Variants in UBE4A observed in about 807,000 individuals in gnomAD.
The protein encoded by UBE4A is ubiquitin conjugation factor E4 A.
Under a neutral mutation model 117.9 loss-of-function variants are expected in UBE4A, and 48 were observed. That is an observed-to-expected ratio of 0.41 (90% CI 0.32 to 0.52). The LOEUF (loss-of-function observed/expected upper bound fraction) is 0.52. Ranked by LOEUF, UBE4A falls within the 20% of genes least tolerant of loss-of-function variation. UBE4A has a pLI of 0.33. For missense variants in UBE4A, 1,067 were observed against 1,296.3 expected (o/e 0.82, Z 2.72); for synonymous variants, 407 against 450.0 (o/e 0.90, Z 1.21).
Position 118,368,623 on chromosome 11 carries a change from T to C in UBE4A, c.122-8T>C. The C allele has an allele frequency of 1.2e-6, 2 of 1,614,068 alleles. No homozygotes were observed. Among genetic ancestry groups the C allele is most frequent in the South Asian group, 2.2e-5 (2 of 91,076 alleles). On this transcript the variant is annotated splice_region_variant and splice_polypyrimidine_tract_variant and intron_variant, in intron 2 of 19. Coordinates refer to ENST00000252108, the MANE Select transcript of UBE4A (RefSeq NM_001204077.2). ...GTGTAACATTTAACAGTATACATTTTCTGGCAGATGAACTCCCAGCTAGCC... is the reference window on the plus strand; with the variant it reads ...GTGTAACATTTAACAGTATACATTTCCTGGCAGATGAACTCCCAGCTAGCC...
Position 118,396,547 on chromosome 11 carries a change from C to CTTTTTTT in UBE4A, c.*119_*125dup, listed in dbSNP as rs5795126. On this transcript the variant is annotated 3_prime_UTR_variant, in exon 20 of 20. Transcript: ENST00000252108. Reference sequence around the variant, plus strand: ...TCCTTTTCTTTCTTCTTTTCTTTTTCTTTTTTTTTTTTTTTTTTACTAAAT... The same window carrying CTTTTTTT: ...TCCTTTTCTTTCTTCTTTTCTTTTTCTTTTTTTTTTTTTTTTTTTTTTTTTACTAAAT... 8.8e-5 allele frequency: 72 copies of CTTTTTTT among 817,736 alleles called. No homozygotes were observed. The highest frequency in any genetic ancestry group is 4.6e-4 in the East Asian group (9 of 19,690). The allele number at this position is 817,736 out of a possible 1,614,324, so 50.7% of individuals were successfully genotyped here.
chr11:118,364,652 A>G lies in UBE4A; in HGVS notation c.-41-388A>G, dbSNP rs1001349476. Among the ~76,000 whole-genome samples the G allele has an allele frequency of 4.6e-5, 7 of 152,240 alleles. No individual in the cohort carries two copies. In the Middle Eastern group the frequency reaches 0.01, roughly 222 times the overall value. ...TGCCAGCTTAATTCTTGGGAAATCC[A>G]TAATTCTTGTCTTATTATTTTTCAG... is the stretch of plus-strand genomic sequence containing the variant. On this transcript the variant is annotated intron_variant, in intron 1 of 19. Transcript: ENST00000252108.
At chr11:118,360,580 A>T (rs1948512555) in intron 1 of UBE4A, among the ~76,000 whole-genome samples, 1 of 152,196 alleles carries the variant, frequency 6.6e-6, no homozygotes, top group Admixed American at 6.5e-5. Context: ...CACAGACCTT[A>T]TGGGAGTATG....
intron 13 of UBE4A, among the ~76,000 whole-genome samples, chr11:118,384,043 C>T (rs1948732073): frequency 6.6e-6 from 1 of 152,136 alleles, no homozygotes; most frequent in African/African-American, 2.4e-5. Flanking sequence ...GATTAAGAGA[C>T]TTAGATTAAG....
Position 118,383,918 on chromosome 11 carries a change from C to A in UBE4A, c.2198-717C>A, listed in dbSNP as rs543697463. Among the ~76,000 whole-genome samples, 3 of 152,124 alleles carry A rather than the reference C, an allele frequency of 2.0e-5. No individual in the cohort carries two copies. In the South Asian group the frequency reaches 6.2e-4, roughly 32 times the overall value. ...ATAATGCATGTAAATCTTTATAATA[C>A]ATAAGAAATTGTATAATAAATCATT... is the stretch of plus-strand genomic sequence containing the variant. On this transcript the variant is annotated intron_variant, in intron 13 of 19. Coordinates refer to ENST00000252108, the MANE Select transcript of UBE4A (RefSeq NM_001204077.2).
chr11:118,390,611 G>A, intron 17 of UBE4A, 46 bp from the exon 18 acceptor site: 1 of 1,431,722 alleles, frequency 7.0e-7, no homozygotes, highest in Non-Finnish European at 9.2e-7. Context: ...CTCTTCCATT[G>A]ACCAACCCTC....
At chr11:118,377,716 C>G (rs886566335) in intron 10 of UBE4A, among the ~76,000 whole-genome samples, 1 of 148,550 alleles carries the variant, frequency 6.7e-6, no homozygotes, top group Non-Finnish European at 1.5e-5. Context: ...AGTTTGAGAC[C>G]AGCCTGGGCA....
chr11:118,396,276 T>G, intron 19 of UBE4A, 38 bp from the exon 20 acceptor site: 1 of 1,589,386 alleles, frequency 6.3e-7, no homozygotes, highest in Non-Finnish European at 8.5e-7. Context: ...TTAGAACTTA[T>G]GGAAATAACC....
intron 15 of UBE4A, among the ~76,000 whole-genome samples, chr11:118,386,165 C>T (rs1555127184): frequency 6.6e-6 from 1 of 152,010 alleles, no homozygotes; most frequent in Non-Finnish European, 1.5e-5. Flanking sequence ...ACTATTCATC[C>T]TTCTTTGCAT....
chr11:118,390,861 G>C, intron 18 of UBE4A, 57 bp downstream of exon 18: 3 of 1,587,322 alleles, frequency 1.9e-6, no homozygotes, highest in Non-Finnish European at 2.6e-6. Context: ...TGTCAGCCAG[G>C]CATGATGGCT....
Position 118,395,179 on chromosome 11 carries a change from A to G in UBE4A, c.3075-1135A>G, listed in dbSNP as rs192650634. On this transcript the variant is annotated intron_variant, in intron 19 of 19. Coordinates refer to ENST00000252108, the MANE Select transcript of UBE4A (RefSeq NM_001204077.2). The stretch of plus-strand genomic sequence containing the variant: ...CCCCATCTCTACTAAAAATACAAAA[A>G]TTAGCTGGGCATGATAGCACGTGCC... 5.8e-3 allele frequency among the ~76,000 whole-genome samples: 878 copies of G among 151,950 alleles called. 11 individuals carry two copies. The highest frequency in any genetic ancestry group is 5.0e-3 in the Non-Finnish European group (337 of 67,930).
Position 118,396,435 on chromosome 11 carries a change from G to T in UBE4A, c.3196G>T (p.Glu1066Ter). 1 of 1,612,838 alleles carries T rather than the reference G, an allele frequency of 6.2e-7. No individual in the cohort carries two copies. The highest frequency in any genetic ancestry group is 1.1e-5 in the South Asian group (1 of 90,984). Residue 1066 changes from glutamate (E) to a stop codon, truncating the protein, a stop_gained, in exon 20 of 20, where the codon GAA (glutamate) becomes TAA (stop). Transcript: ENST00000252108. LOFTEE classifies it high-confidence loss of function. The part of the protein sequence containing the change: ...AERKQQKEQL[E>*] ...GAGGAAACAACAAAAGGAGCAACTT[G>T]AATAGATACTGTGAACTAACCAAAC...
At chr11:118,385,716 G>A (rs561837008) in intron 15 of UBE4A, among the ~76,000 whole-genome samples, 1 of 152,336 alleles carries the variant, frequency 6.6e-6, no homozygotes, top group African/African-American at 2.4e-5. Context: ...CCTTTAGACA[G>A]TCATGAGCTC....
At chr11:118,379,794 G>T (rs1555126000) in intron 11 of UBE4A, 44 bp downstream of exon 11, 1 of 1,556,896 alleles carries the variant, frequency 6.4e-7, no homozygotes, top group African/African-American at 1.4e-5. Flanking sequence ...ATAGCCTTCT[G>T]AGTTTAAGTG....
rs1948610051 is a variant in UBE4A, at chr11:118,371,528, C to T, written c.423C>T (p.Arg141=). The change falls in exon 5 of 20, where the codon CGC becomes CGT. Residue 141 remains arginine, a synonymous_variant. Coordinates refer to ENST00000252108, the MANE Select transcript of UBE4A (RefSeq NM_001204077.2). ...TTTCTTTATAGGCCCTCTTCGCTCG[C>T]TTATTACTTCAAGATCCAGGCAACC... ...MSNVEQALFA[R]LLLQDPGNHL... is the part of the protein sequence containing the mutation. 6.2e-7 allele frequency: 1 copy of T among 1,612,332 alleles called. No homozygotes were observed. Among genetic ancestry groups the T allele is most frequent in the African/African-American group, 1.3e-5 (1 of 74,958 alleles).
rs1948741087 is a variant in UBE4A at position 118,384,881 on chromosome 11, T to C, written c.2348T>C (p.Leu783Pro). 6.2e-7 allele frequency: 1 copy of C among 1,613,264 alleles called. No individual in the cohort carries two copies. The highest frequency in any genetic ancestry group is 8.5e-7 in the Non-Finnish European group (1 of 1,179,882). Reference sequence around the variant, plus strand: ...AATTTAGAAGCCATGAATCCCCCACTTTTCCTCCGCTTTCTTAACCTGCTA... The same window carrying C: ...AATTTAGAAGCCATGAATCCCCCACCTTTCCTCCGCTTTCTTAACCTGCTA... ...SKNLEAMNPP[L>P]FLRFLNLLMN... is the part of the protein sequence containing the mutation. The change falls in exon 15 of 20, where the codon CTT (leucine) becomes CCT (proline). Residue 783 changes from leucine to proline, a missense_variant. By Grantham distance (98) the Leu-to-Pro change is moderately conservative. Transcript: ENST00000252108.
At chr11:118,381,055 A>G (rs1948701051) in intron 11 of UBE4A, among the ~76,000 whole-genome samples, 2 of 152,242 alleles carry the variant, frequency 1.3e-5, no homozygotes, top group Non-Finnish European at 2.9e-5. Flanking sequence ...TGGCTACCAC[A>G]GTCACCTAAC....
At chr11:118,390,605 T>C (rs1948806102) in intron 17 of UBE4A, 52 bp from the exon 18 acceptor site, 1 of 1,411,000 alleles carries the variant, frequency 7.1e-7, no homozygotes, top group Non-Finnish European at 9.3e-7. Flanking sequence ...TATTGTCTCT[T>C]CCATTGACCA....
rs782589956 is a variant in UBE4A at position 118,379,525 on chromosome 11, A to G, written c.1651A>G (p.Ser551Gly). 1 of 1,614,234 alleles carries G rather than the reference A, an allele frequency of 6.2e-7. No homozygotes were observed. Among genetic ancestry groups the G allele is most frequent in the Non-Finnish European group, 8.5e-7 (1 of 1,180,034 alleles). ...CTGGCGGGATGCTCAGCAAAGTTCTAGCCCTGCTGCTGACAATCTTCGTGA... is the reference window on the plus strand; with the variant it reads ...CTGGCGGGATGCTCAGCAAAGTTCTGGCCCTGCTGCTGACAATCTTCGTGA... The part of the protein sequence containing the change: ...VAWRDAQQSS[S>G]PAADNLREQF... The change falls in exon 11 of 20, where the codon AGC (serine) becomes GGC (glycine). Residue 551 changes from serine to glycine, a missense_variant. Transcript: ENST00000252108.
Sources: allele counts gnomAD v4.1 joint callset (sites outside exome capture counted in the v4.1 genomes callset), GRCh38; gene constraint gnomAD v4.1.1; transcripts MANE v1.5; gene names NCBI Gene and HGNC (gene_info 2026-07-23, HGNC 2026-07-21).